The following PDE6A variants were observed in gnomAD, a reference collection of about 807,000 sequenced individuals.
PDE6A encodes rod cGMP-specific 3',5'-cyclic phosphodiesterase subunit alpha.
In PDE6A, 84 loss-of-function variants were observed where a neutral mutation model predicts 106.3. The ratio of observed to expected loss-of-function variants is 0.79; its 90% CI spans 0.66 to 0.95. PDE6A has a LOEUF of 0.95. Ranked by LOEUF, PDE6A falls within the 40% of genes least tolerant of loss-of-function variation. PDE6A has a pLI of 0.00. For missense variants in PDE6A, 1,052 were observed against 1,084.9 expected, an observed-to-expected ratio of 0.97 and a Z score of 0.43; for synonymous variants, 394 against 386.6, an observed-to-expected ratio of 1.02 and a Z score of -0.23.
chr5:149,897,873 C>T (rs1045370931), intron 10 of PDE6A, among the ~76,000 whole-genome samples: 3 of 152,068 alleles, frequency 2.0e-5, no homozygotes, highest in African/African-American at 7.2e-5. Context: ...AGGTGTAAGC[C>T]ACTGCACCCA....
Position 149,907,374 on chromosome 5 carries a change from G to T in PDE6A, c.1003C>A (p.Pro335Thr), listed in dbSNP as rs1292642100. ...ACTAAAGCCCAATGGTCAGGAGGTG[G>T]ATTCCTGTGAAGGCCAAAGACAAAA... ...GKEDIKVIPN[P>T]PPDHWALVSG... The change falls in exon 7 of 22, where the codon CCA (proline) becomes ACA (threonine). Residue 335 changes from proline (P) to threonine (T), a missense_variant. Pro to Thr is a conservative substitution (Grantham distance 38). Coordinates refer to ENST00000255266, the MANE Select transcript of PDE6A (RefSeq NM_000440.3). 2 of 1,613,768 alleles carry T rather than the reference G, an allele frequency of 1.2e-6. No individual in the cohort carries two copies. The highest frequency in any genetic ancestry group is 2.2e-5 in the South Asian group (2 of 91,080).
At position 149,934,100 on chromosome 5, in the gene PDE6A, T is replaced by C. The variant is rs1245704594; in HGVS notation, c.628-81A>G. The C allele has an allele frequency of 1.2e-5, 10 of 803,812 alleles. No homozygotes were observed. In the Admixed American group the frequency reaches 1.8e-4, roughly 14 times the overall value. The allele number at this position is 803,812 out of a possible 1,614,324, so 49.8% of individuals were successfully genotyped here. On this transcript the variant is annotated intron_variant, in intron 2 of 21. Transcript: ENST00000255266. ...GCTACTTTTACCATCAGCAAATATCTGAATATTTTCAAAGCTTCATCAGAG... is the reference window on the plus strand; with the variant it reads ...GCTACTTTTACCATCAGCAAATATCCGAATATTTTCAAAGCTTCATCAGAG...
Position 149,907,296 on chromosome 5 carries a change from A to G in PDE6A, c.1065+16T>C. On this transcript the variant is annotated intron_variant, in intron 7 of 21. Coordinates refer to ENST00000255266, the MANE Select transcript of PDE6A (RefSeq NM_000440.3). ...CGTGATCCAAAACTCTCCCCCTTCA[A>G]AGTTATATTACTTACCAGGCCATTC... 1 of 1,596,742 alleles carries G rather than the reference A, an allele frequency of 6.3e-7. No homozygotes were observed. Among genetic ancestry groups the G allele is most frequent in the Non-Finnish European group, 8.6e-7 (1 of 1,164,296 alleles).
At chr5:149,933,891 G>C in intron 3 of PDE6A, 39 bp downstream of exon 3, 3 of 1,453,780 alleles carry the variant, frequency 2.1e-6, no homozygotes, top group Non-Finnish European at 9.6e-7. Flanking sequence ...TTCAGGGAAA[G>C]GACGAGTCAA....
At chr5:149,942,108 T>G (rs984839703) in intron 1 of PDE6A, among the ~76,000 whole-genome samples, 9 of 152,022 alleles carry the variant, frequency 5.9e-5, no homozygotes, top group African/African-American at 2.2e-4. Flanking sequence ...ACCACAGGTG[T>G]GCACCACCAC....
chr5:149,907,710 A>G (rs1753244213), intron 6 of PDE6A, among the ~76,000 whole-genome samples: 1 of 152,244 alleles, frequency 6.6e-6, no homozygotes, highest in Non-Finnish European at 1.5e-5. Flanking sequence ...TACTAATACT[A>G]TGTAGAGAAT....
Position 149,860,327 on chromosome 5 carries a change from T to C in PDE6A, c.*568A>G, listed in dbSNP as rs1032527807. 4 of 152,464 alleles carry C rather than the reference T, an allele frequency of 2.6e-5. No individual in the cohort carries two copies. The highest frequency in any genetic ancestry group is 2.1e-4 in the South Asian group (1 of 4,832). 9.4% of individuals were successfully genotyped at this position (152,464 alleles called of 1,614,324 possible). ...TATGTGGGGATTCAACGTACAATTC[T>C]CTACTTTTGAAAATGATTGAAAATT... On this transcript the variant is annotated 3_prime_UTR_variant, in exon 22 of 22. Transcript: ENST00000255266.
At chr5:149,919,440 G>A (rs778182294) in intron 5 of PDE6A, among the ~76,000 whole-genome samples, 6 of 152,144 alleles carry the variant, frequency 3.9e-5, no homozygotes, top group African/African-American at 9.7e-5. Flanking sequence ...CCCAGGAGGC[G>A]GAGGTTGCAG....
chr5:149,882,469 G>A (rs1019281684), intron 17 of PDE6A, among the ~76,000 whole-genome samples: 4 of 151,988 alleles, frequency 2.6e-5, no homozygotes, highest in Non-Finnish European at 5.9e-5. Flanking sequence ...GAGGAGCCAG[G>A]GGACCATTTG....
At chr5:149,901,522 C>G (rs902910767) in intron 8 of PDE6A, among the ~76,000 whole-genome samples, 1 of 152,022 alleles carries the variant, frequency 6.6e-6, no homozygotes, top group African/African-American at 2.4e-5. Context: ...GTATGAAACT[C>G]CATCTCAAAA....
rs542409543 is a variant in PDE6A at position 149,944,720 on chromosome 5, C to T, written c.-47G>A. Reference sequence around the variant, plus strand: ...CTCTGTAGAAGGACTGGGACGGAGGCCTTCCAATGGCAGTTTTGCAGTCTG... The same window carrying T: ...CTCTGTAGAAGGACTGGGACGGAGGTCTTCCAATGGCAGTTTTGCAGTCTG... On this transcript the variant is annotated 5_prime_UTR_variant, in exon 1 of 22. Transcript: ENST00000255266. The T allele has an allele frequency of 2.7e-6, 4 of 1,492,946 alleles. No individual in the cohort carries two copies. In the South Asian group the frequency reaches 4.7e-5, roughly 18 times the overall value. The allele number at this position is 1,492,946 out of a possible 1,614,324, so 92.5% of individuals were successfully genotyped here.
intron 5 of PDE6A, among the ~76,000 whole-genome samples, chr5:149,915,529 G>T (rs541167821): frequency 6.6e-6 from 1 of 152,248 alleles, no homozygotes; most frequent in East Asian, 1.9e-4. Flanking sequence ...GCTGCCTTCT[G>T]GTGCTCCCTG....
At chr5:149,866,645 A>G (rs187793594) in intron 19 of PDE6A, 2 of 222,306 alleles carry the variant, frequency 9.0e-6, no homozygotes, top group Non-Finnish European at 1.8e-5. Context: ...TAATCAAGAA[A>G]AATGAACAGA....
chr5:149,877,000 TAAAA>T (rs769789394), intron 17 of PDE6A, among the ~76,000 whole-genome samples: 1 of 150,112 alleles, frequency 6.7e-6, no homozygotes, highest in East Asian at 1.9e-4. Flanking sequence ...ATTGACCAAA[TAAAA>T]AAGAAAGAAA....
intron 7 of PDE6A, among the ~76,000 whole-genome samples, chr5:149,906,571 T>C (rs1753199282): frequency 1.4e-5 from 2 of 139,994 alleles, no homozygotes; most frequent in Non-Finnish European, 3.1e-5. Context: ...CCAAGGCCTG[T>C]TGTAATTTAG....
intron 8 of PDE6A, among the ~76,000 whole-genome samples, chr5:149,903,410 GA>G (rs1384154423): frequency 6.6e-6 from 1 of 151,122 alleles, no homozygotes; most frequent in Admixed American, 6.6e-5. Flanking sequence ...CTTGTGGGGG[GA>G]AAAATAGATC....
chr5:149,876,315 C>T (rs1263020838), intron 17 of PDE6A, among the ~76,000 whole-genome samples: 4 of 146,694 alleles, frequency 2.7e-5, no homozygotes, highest in African/African-American at 1.0e-4. Flanking sequence ...AGACTGGAGT[C>T]GGATTCAGCA....
chr5:149,860,139 A>AC lies in PDE6A; in HGVS notation c.*755dup, dbSNP rs1232558471. On this transcript the variant is annotated 3_prime_UTR_variant, in exon 22 of 22. Coordinates refer to ENST00000255266, the MANE Select transcript of PDE6A (RefSeq NM_000440.3). Reference sequence around the variant, plus strand: ...ACTCCTGGGCTCATGCAGTCTGCCCACCTCAGCCTCCTGAAGTGCTGGGAT... The same window carrying AC: ...ACTCCTGGGCTCATGCAGTCTGCCCACCCTCAGCCTCCTGAAGTGCTGGGAT... 1.3e-5 allele frequency: 2 copies of AC among 152,028 alleles called. No individual in the cohort carries two copies. Among genetic ancestry groups the AC allele is most frequent in the Non-Finnish European group, 2.9e-5 (2 of 68,040 alleles). The allele number at this position is 152,028 out of a possible 1,614,324, so 9.4% of individuals were successfully genotyped here. A position where few individuals can be genotyped will look rare whatever the true frequency, so the allele number is the denominator to read the frequency against.
At chr5:149,896,187 G>A (rs906883343) in intron 12 of PDE6A, among the ~76,000 whole-genome samples, 169 bp downstream of exon 12, 2 of 152,210 alleles carry the variant, frequency 1.3e-5, no homozygotes, top group African/African-American at 2.4e-5. Flanking sequence ...GAGGAACAGC[G>A]TGTCTCTTTT....
Sources: allele counts gnomAD v4.1 joint callset (sites outside exome capture counted in the v4.1 genomes callset), GRCh38; gene constraint gnomAD v4.1.1; transcripts MANE v1.5; gene names NCBI Gene and HGNC (gene_info 2026-07-23, HGNC 2026-07-21).